The following F5 variants were observed in gnomAD, a reference collection of about 807,000 sequenced individuals.
F5 encodes activated protein c cofactor.
In F5, 138 loss-of-function variants were observed where a neutral mutation model predicts 216.4. The observed-to-expected ratio is 0.64, with a 90% CI of 0.56 to 0.73. The LOEUF (loss-of-function observed/expected upper bound fraction) is 0.73. F5 is among the 30% of genes least tolerant of loss of function. F5 has a pLI of 0.00. For synonymous variants in F5, 916 were observed against 930.7 expected (o/e 0.98, Z 0.29); for missense variants, 2,403 against 2,674.0 (o/e 0.90, Z 2.24).
At chr1:169,564,631 G>C (rs1415530978) in intron 3 of F5, among the ~76,000 whole-genome samples, 1 of 152,072 alleles carries the variant, frequency 6.6e-6, no homozygotes, top group Admixed American at 6.6e-5. Context: ...TGAAGCCAAA[G>C]TCTGAGATGC....
chr1:169,524,936 A>T (rs200836913), intron 18 of F5, 28 bp from the exon 19 acceptor site: 34 of 1,567,774 alleles, frequency 2.2e-5, no homozygotes, highest in Non-Finnish European at 2.9e-5. Context: ...AAAATGAATA[A>T]TTTTTGCTTA....
chr1:169,565,819 T>C (rs73035547), intron 3 of F5, among the ~76,000 whole-genome samples: 4,585 of 152,138 alleles, frequency 0.03, 229 homozygotes, highest in African/African-American at 0.1. Flanking sequence ...AAGTGGACTT[T>C]GTTGTGTCTT....
At chr1:169,585,836 G>A (rs1661092012) in intron 1 of F5, among the ~76,000 whole-genome samples, 1 of 152,150 alleles carries the variant, frequency 6.6e-6, no homozygotes, top group Admixed American at 6.5e-5. Context: ...GTAACTAGGA[G>A]TCTCATAAAA....
Position 169,550,731 on chromosome 1 carries a change from G to A in F5, c.1305C>T (p.Phe435=), listed in dbSNP as rs1660148673. 1 of 1,611,506 alleles carries A rather than the reference G, an allele frequency of 6.2e-7. No homozygotes were observed. Among genetic ancestry groups the A allele is most frequent in the Non-Finnish European group, 8.5e-7 (1 of 1,177,832 alleles). The change falls in exon 9 of 25, where the codon TTC becomes TTT. Residue 435 remains phenylalanine, a synonymous_variant. Transcript: ENST00000367797. ...TATAGGGGCGGCTGGCCATATTTTTGAACACGATCTACAAAGTTAAATCAA... is the reference window on the plus strand; with the variant it reads ...TATAGGGGCGGCTGGCCATATTTTTAAACACGATCTACAAAGTTAAATCAA... The part of the protein sequence containing the change: ...AQVRDTLKIV[F]KNMASRPYSI...
At chr1:169,546,335 G>T (rs1466994831) in intron 11 of F5, 107 bp downstream of exon 11, 14 of 1,318,388 alleles carry the variant, frequency 1.1e-5, no homozygotes, top group African/African-American at 1.5e-5. Flanking sequence ...AGGATTGGAG[G>T]TGCCCCTTAG....
intron 3 of F5, among the ~76,000 whole-genome samples, chr1:169,569,240 A>G (rs896499570): frequency 6.6e-6 from 1 of 152,082 alleles, no homozygotes; most frequent in Non-Finnish European, 1.5e-5. Context: ...AAAAATCTAG[A>G]AGAGCAAATT....
chr1:169,515,830 A>G (rs531076196), intron 23 of F5: 1 of 582,784 alleles, frequency 1.7e-6, no homozygotes, highest in South Asian at 2.0e-5. Flanking sequence ...TATTTCACAC[A>G]TTGTACTATA....
chr1:169,564,214 G>C (rs150716552), intron 3 of F5, among the ~76,000 whole-genome samples: 279 of 152,152 alleles, frequency 1.8e-3, no homozygotes, highest in South Asian at 4.4e-3. Flanking sequence ...TTCCTTTCAA[G>C]TGACATTTTT....
intron 3 of F5, among the ~76,000 whole-genome samples, chr1:169,565,292 C>A (rs1486312283): frequency 6.6e-6 from 1 of 152,032 alleles, no homozygotes; most frequent in Non-Finnish European, 1.5e-5. Flanking sequence ...AATTCATTTT[C>A]TTCTACTAGA....
intron 18 of F5, among the ~76,000 whole-genome samples, chr1:169,525,206 A>G (rs2101807840): frequency 6.6e-6 from 1 of 152,278 alleles, no homozygotes; most frequent in Non-Finnish European, 1.5e-5. Flanking sequence ...AACATTAGGT[A>G]CCATCCATGG....
chr1:169,559,104 A>G, intron 5 of F5, 49 bp downstream of exon 5: 1 of 1,611,092 alleles, frequency 6.2e-7, no homozygotes, highest in Non-Finnish European at 8.5e-7. Flanking sequence ...GGACCGAAAA[A>G]TTACTAATGA....
chr1:169,586,421 C>T lies in F5; in HGVS notation c.-35G>A. ...CCTGCTCCCGCTGGCTGCCACCACC[C>T]CAGGACCTGGGCAGCGCTTGCCGAG... On this transcript the variant is annotated 5_prime_UTR_variant, in exon 1 of 25. Transcript: ENST00000367797. 6.2e-7 allele frequency: 1 copy of T among 1,602,580 alleles called. No homozygotes were observed. Among genetic ancestry groups the T allele is most frequent in the Non-Finnish European group, 8.5e-7 (1 of 1,177,182 alleles).
At chr1:169,577,267 A>G (rs972202930) in intron 2 of F5, among the ~76,000 whole-genome samples, 2 of 152,120 alleles carry the variant, frequency 1.3e-5, no homozygotes, top group African/African-American at 2.4e-5. Flanking sequence ...GCATTACATA[A>G]CACAAGGTAG....
rs1659348572 is a variant in F5, at chr1:169,523,049, G to A, written c.6048+148C>T. The A allele has an allele frequency of 5.9e-5, 50 of 845,016 alleles. No individual in the cohort carries two copies. The South Asian group carries it at 6.4e-4, about 11-fold the overall frequency. 52.3% of individuals were successfully genotyped at this position (845,016 alleles called of 1,614,324 possible). A position where few individuals can be genotyped will look rare whatever the true frequency, so the allele number is the denominator to read the frequency against. On this transcript the variant is annotated intron_variant, in intron 21 of 24. Coordinates refer to ENST00000367797, the MANE Select transcript of F5 (RefSeq NM_000130.5). ...TAAGACACAGACCTATCATATTACTGCTTTTCTCCATATGACCCTTAGAAA... is the reference window on the plus strand; with the variant it reads ...TAAGACACAGACCTATCATATTACTACTTTTCTCCATATGACCCTTAGAAA...
At chr1:169,535,119 AC>A (rs1439299562) in intron 14 of F5, among the ~76,000 whole-genome samples, 1 of 152,174 alleles carries the variant, frequency 6.6e-6, no homozygotes, top group Non-Finnish European at 1.5e-5. Context: ...ACCCTAAACA[AC>A]AGCATCACAT....
At position 169,527,895 on chromosome 1, in the gene F5, T is replaced by G. The variant is rs762629766; in HGVS notation, c.5599+20A>C. 1 of 1,612,600 alleles carries G rather than the reference T, an allele frequency of 6.2e-7. No individual in the cohort carries two copies. ...CCTGTATTTCTTAGCAGGGACCTCT[T>G]CCCATTACCCAATCTTTACCAGGCA... On this transcript the variant is annotated intron_variant, in intron 17 of 24. Coordinates refer to ENST00000367797, the MANE Select transcript of F5 (RefSeq NM_000130.5).
intron 3 of F5, among the ~76,000 whole-genome samples, chr1:169,562,240 A>G (rs1345082645): frequency 2.6e-5 from 4 of 152,110 alleles, no homozygotes; most frequent in Non-Finnish European, 4.4e-5. Flanking sequence ...TTATTTCACT[A>G]TAATTTGGCT....
intron 2 of F5, among the ~76,000 whole-genome samples, chr1:169,575,355 C>T (rs1441822170): frequency 1.3e-5 from 2 of 152,210 alleles, no homozygotes; most frequent in Admixed American, 1.3e-4. Flanking sequence ...CGAAGGCATC[C>T]TCAGAGTCCC....
intron 3 of F5, 135 bp from the exon 4 acceptor site, chr1:169,560,901 G>T: frequency 1.3e-6 from 1 of 768,346 alleles, no homozygotes. Flanking sequence ...TTTATTATTT[G>T]GAAAGATTCA....
Sources: gnomAD v4.1 joint callset for allele counts (sites outside exome capture counted in the v4.1 genomes callset) on GRCh38, gnomAD v4.1.1 for gene constraint, MANE v1.5 for transcripts, NCBI Gene and HGNC (gene_info 2026-07-23, HGNC 2026-07-21) for gene names.